Variants in GABRG3 observed in about 807,000 individuals in gnomAD.
GABRG3 encodes gamma-aminobutyric acid type A receptor subunit gamma3, also known as gamma-aminobutyric acid receptor subunit gamma-3.
In GABRG3, 25 loss-of-function variants were observed where a neutral mutation model predicts 48.8. The ratio of observed to expected loss-of-function variants is 0.51; its 90% CI spans 0.37 to 0.72. The LOEUF (loss-of-function observed/expected upper bound fraction) is 0.72. GABRG3 is among the 30% of genes least tolerant of loss of function. The pLI, the probability that GABRG3 is intolerant of heterozygous loss-of-function variation, is 0.00. For missense variants in GABRG3, 394 were observed against 577.9 expected, an observed-to-expected ratio of 0.68 and a Z score of 3.26; for synonymous variants, 227 against 217.6, an observed-to-expected ratio of 1.04 and a Z score of -0.38.
chr15:27,297,866 A>G (rs1892053620), intron 3 of GABRG3, among the ~76,000 whole-genome samples: 1 of 152,026 alleles, frequency 6.6e-6, no homozygotes, highest in Non-Finnish European at 1.5e-5. Context: ...AGTGTTATAT[A>G]GGAGTAAAGT....
At chr15:27,444,295 G>T (rs761443671) in intron 5 of GABRG3, among the ~76,000 whole-genome samples, 1 of 152,108 alleles carries the variant, frequency 6.6e-6, no homozygotes, top group Non-Finnish European at 1.5e-5. Context: ...AATGATTGAG[G>T]ATTTCTCTAT....
At chr15:27,263,715 A>G (rs8041079) in intron 3 of GABRG3, among the ~76,000 whole-genome samples, 104,598 of 151,908 alleles carry the variant, frequency 0.69, 36,873 homozygotes, top group African/African-American at 0.79. Context: ...GTGGGGTCAT[A>G]CTGCAGGCTG....
At chr15:27,380,159 A>G (rs1037308072) in intron 5 of GABRG3, among the ~76,000 whole-genome samples, 13 of 152,086 alleles carry the variant, frequency 8.5e-5, no homozygotes, top group African/African-American at 1.7e-4. Flanking sequence ...GCCATGTCCA[A>G]TCTATTAATG....
intron 5 of GABRG3, among the ~76,000 whole-genome samples, chr15:27,436,139 C>G (rs1888602738): frequency 6.6e-6 from 1 of 152,216 alleles, no homozygotes; most frequent in African/African-American, 2.4e-5. Context: ...ATATTCATTT[C>G]TCACAATTCT....
At chr15:27,410,838 G>A (rs936650731) in intron 5 of GABRG3, among the ~76,000 whole-genome samples, 22 of 133,732 alleles carry the variant, frequency 1.6e-4, no homozygotes, top group African/African-American at 5.1e-4. Context: ...GCACACGTGC[G>A]CACGCTCGTG....
chr15:27,013,292 A>G (rs1456533430), intron 2 of GABRG3, among the ~76,000 whole-genome samples: 2 of 152,058 alleles, frequency 1.3e-5, no homozygotes, highest in Admixed American at 6.5e-5. Flanking sequence ...TATGCCACAT[A>G]TTCTTTTTTC....
chr15:27,142,780 G>GT (rs11366858), intron 3 of GABRG3, among the ~76,000 whole-genome samples: 1,717 of 147,300 alleles, frequency 0.012, 33 homozygotes, highest in African/African-American at 0.039. Flanking sequence ...TGTTTGCTTG[G>GT]TTTTTTTTTT....
chr15:27,420,331 C>G (rs1330621972), intron 5 of GABRG3, among the ~76,000 whole-genome samples: 1 of 152,128 alleles, frequency 6.6e-6, no homozygotes, highest in Non-Finnish European at 1.5e-5. Flanking sequence ...AATCCAGACA[C>G]AGAAAGACAA....
At chr15:27,445,437 T>C (rs1330330627) in intron 5 of GABRG3, among the ~76,000 whole-genome samples, 1 of 152,160 alleles carries the variant, frequency 6.6e-6, no homozygotes, top group Non-Finnish European at 1.5e-5. Flanking sequence ...TAGTCATTGA[T>C]GTTGAGCATC....
chr15:27,063,280 G>T (rs1896682349), intron 3 of GABRG3, among the ~76,000 whole-genome samples: 1 of 152,206 alleles, frequency 6.6e-6, no homozygotes, highest in Non-Finnish European at 1.5e-5. Context: ...TGGAGATCCA[G>T]ATCTGCAGGT....
intron 3 of GABRG3, among the ~76,000 whole-genome samples, chr15:27,223,919 A>C (rs555735740): frequency 1.3e-5 from 2 of 152,116 alleles, no homozygotes; most frequent in Non-Finnish European, 2.9e-5. Flanking sequence ...AAATTTCAGA[A>C]CCTGTCTGGG....
At chr15:27,052,558 C>T (rs1896473788) in intron 3 of GABRG3, among the ~76,000 whole-genome samples, 2 of 152,118 alleles carry the variant, frequency 1.3e-5, no homozygotes, top group Non-Finnish European at 2.9e-5. Flanking sequence ...CAGGCCACTT[C>T]CCTCCTGCTG....
At chr15:27,172,577 A>C (rs1242098703) in intron 3 of GABRG3, among the ~76,000 whole-genome samples, 4 of 152,112 alleles carry the variant, frequency 2.6e-5, no homozygotes, top group Non-Finnish European at 5.9e-5. Context: ...GCTGTTCGGC[A>C]CTCAGAACAT....
chr15:27,034,641 C>T (rs7178579), intron 3 of GABRG3, among the ~76,000 whole-genome samples: 98,144 of 151,968 alleles, frequency 0.65, 31,759 homozygotes, highest in Middle Eastern at 0.67. Flanking sequence ...TAAAGGCTTT[C>T]GAGCCTGAGA....
Position 27,445,018 on chromosome 15 carries a change from C to G in GABRG3, c.575-35632C>G, listed in dbSNP as rs1749367014. ...TCCCAAGTAGCTGTGATTACAGGCG[C>G]CTGCCACCATGCCTGGCTAATTTTT... is the stretch of plus-strand genomic sequence containing the variant. On this transcript the variant is annotated intron_variant, in intron 5 of 9. Coordinates refer to ENST00000615808, the MANE Select transcript of GABRG3 (RefSeq NM_033223.5). Among the ~76,000 whole-genome samples the G allele has an allele frequency of 2.0e-5, 3 of 152,144 alleles. No homozygotes were observed. In the South Asian group the frequency reaches 6.2e-4, roughly 32 times the overall value.
chr15:27,158,029 T>G (rs1403674684), intron 3 of GABRG3: 1 of 152,220 alleles, frequency 6.6e-6, no homozygotes, highest in Non-Finnish European at 1.5e-5. Flanking sequence ...AGGCTCTGGC[T>G]TCTGGCTGTT....
chr15:27,522,571 T>C (rs1891184651), intron 7 of GABRG3, among the ~76,000 whole-genome samples: 1 of 151,860 alleles, frequency 6.6e-6, no homozygotes, highest in Non-Finnish European at 1.5e-5. Flanking sequence ...CATATGGAAC[T>C]ATGTTCCTAT....
chr15:27,150,102 C>T (rs575823745), intron 3 of GABRG3, among the ~76,000 whole-genome samples: 1 of 152,236 alleles, frequency 6.6e-6, no homozygotes, highest in East Asian at 1.9e-4. Flanking sequence ...CTGAAGGTGT[C>T]CAGAGGTGAT....
rs186192380 is a variant in GABRG3, at chr15:27,272,502, A to G, written c.271-54307A>G. ...GTGGTATTTTCAAAGACCTCTGCAA[A>G]GAGGTGTCTATGACTGCACCTACTC... On this transcript the variant is annotated intron_variant, in intron 3 of 9. Coordinates refer to ENST00000615808, the MANE Select transcript of GABRG3 (RefSeq NM_033223.5). Among the ~76,000 whole-genome samples the G allele has an allele frequency of 1.7e-4, 26 of 152,344 alleles. No homozygotes were observed. The East Asian group carries it at 5.0e-3, about 29-fold the overall frequency.
Sources: gnomAD v4.1 joint callset for allele counts (sites outside exome capture counted in the v4.1 genomes callset) on GRCh38, gnomAD v4.1.1 for gene constraint, MANE v1.5 for transcripts, NCBI Gene and HGNC (gene_info 2026-07-23, HGNC 2026-07-21) for gene names.